The following NPSR1 variants were observed in gnomAD, a reference collection of about 807,000 sequenced individuals.
The protein encoded by NPSR1 is neuropeptide S receptor 1, also known as neuropeptide S receptor.
Under a neutral mutation model 46.9 loss-of-function variants are expected in NPSR1, and 48 were observed. The ratio of observed to expected loss-of-function variants is 1.02; its 90% CI spans 0.81 to 1.30. NPSR1 has a LOEUF of 1.30. Among genes scored for constraint, NPSR1 ranks in the 50% most tolerant of loss-of-function variants. The pLI is 0.00. For synonymous variants in NPSR1, 176 were observed against 168.1 expected (o/e 1.05, Z -0.36); for missense variants, 450 against 449.5 (o/e 1.00, Z -0.01).
Position 34,677,482 on chromosome 7 carries a change from C to G in NPSR1, c.148-7070C>G, listed in dbSNP as rs1379563891. 2.0e-5 allele frequency among the ~76,000 whole-genome samples: 3 copies of G among 152,308 alleles called. No individual in the cohort carries two copies. The East Asian group carries it at 5.8e-4, about 29-fold the overall frequency. On this transcript the variant is annotated intron_variant, in intron 1 of 8. Transcript: ENST00000360581. ...CTGAGTTCACTGATTTTATTCTCTT[C>G]CTCTTTCCAATTCTCATCCAAAAGG...
chr7:34,796,464 G>C (rs1235716471), intron 3 of NPSR1, among the ~76,000 whole-genome samples: 1 of 151,998 alleles, frequency 6.6e-6, no homozygotes, highest in Non-Finnish European at 1.5e-5. Context: ...ATATGCAGAA[G>C]AGCTCTTAAA....
chr7:34,773,174 C>A (rs559535586), intron 2 of NPSR1, among the ~76,000 whole-genome samples: 1 of 152,270 alleles, frequency 6.6e-6, no homozygotes, highest in African/African-American at 2.4e-5. Flanking sequence ...AGGGACCCAA[C>A]ACCATGAAGT....
At chr7:34,751,050 A>G (rs1340549050) in intron 2 of NPSR1, 1 of 776,666 alleles carries the variant, frequency 1.3e-6, no homozygotes, top group Non-Finnish European at 2.4e-6. Context: ...GATGAGCAGC[A>G]TGGCCATCTC....
chr7:34,825,086 C>G (rs1789756677), intron 4 of NPSR1, among the ~76,000 whole-genome samples: 1 of 151,964 alleles, frequency 6.6e-6, no homozygotes, highest in Non-Finnish European at 1.5e-5. Context: ...CAAGAGGATG[C>G]TCCTCAACCT....
At chr7:34,846,765 T>C (rs1460789983) in intron 7 of NPSR1, among the ~76,000 whole-genome samples, 1 of 152,202 alleles carries the variant, frequency 6.6e-6, no homozygotes, top group African/African-American at 2.4e-5. Flanking sequence ...CTTTCCTCCA[T>C]TTACAACAGA....
At chr7:34,808,415 G>A (rs17170001) in intron 3 of NPSR1, among the ~76,000 whole-genome samples, 22,933 of 151,798 alleles carry the variant, frequency 0.15, 2,067 homozygotes, top group African/African-American at 0.25. Context: ...CTCTATCAAG[G>A]TTAAAAAACA....
At chr7:34,680,387 C>A (rs551505846) in intron 1 of NPSR1, among the ~76,000 whole-genome samples, 21 of 152,138 alleles carry the variant, frequency 1.4e-4, no homozygotes, top group African/African-American at 4.8e-4. Context: ...TGAAATATGT[C>A]ATTTAAAATA....
At chr7:34,731,245 AAGAT>A (rs1784403940) in intron 2 of NPSR1, among the ~76,000 whole-genome samples, 1 of 152,200 alleles carries the variant, frequency 6.6e-6, no homozygotes, top group African/African-American at 2.4e-5. Context: ...CAATAAGTAG[AAGAT>A]AAATACTTAA....
At chr7:34,698,723 C>T (rs1793664996) in intron 2 of NPSR1, among the ~76,000 whole-genome samples, 2 of 152,042 alleles carry the variant, frequency 1.3e-5, no homozygotes, top group Non-Finnish European at 2.9e-5. Flanking sequence ...AGAAGTGAGG[C>T]CAAGAAGTTG....
chr7:34,790,661 TA>T (rs1222187612), intron 3 of NPSR1, among the ~76,000 whole-genome samples: 1 of 141,096 alleles, frequency 7.1e-6, no homozygotes, highest in African/African-American at 2.5e-5. Flanking sequence ...TATTATGTTA[TA>T]AATATATGTT....
chr7:34,742,018 C>T (rs1784963414), intron 2 of NPSR1, among the ~76,000 whole-genome samples: 1 of 152,132 alleles, frequency 6.6e-6, no homozygotes, highest in Non-Finnish European at 1.5e-5. Context: ...ATCAATTGCA[C>T]CTTTTTTTAA....
chr7:34,767,191 A>C (rs1405895836), intron 2 of NPSR1, among the ~76,000 whole-genome samples: 2 of 152,218 alleles, frequency 1.3e-5, no homozygotes, highest in Non-Finnish European at 2.9e-5. Context: ...GTATTATACC[A>C]ATGTCAATTT....
intron 5 of NPSR1, chr7:34,834,041 T>C (rs1455746213): frequency 6.6e-6 from 2 of 300,912 alleles, no homozygotes; most frequent in Admixed American, 4.8e-5. Context: ...AAGTCAGGAC[T>C]GTACAACAGA....
chr7:34,815,569 C>T (rs984374222), intron 4 of NPSR1, among the ~76,000 whole-genome samples: 1 of 152,080 alleles, frequency 6.6e-6, no homozygotes, highest in Admixed American at 6.6e-5. Flanking sequence ...ATACAGAGAA[C>T]ACCACAAAGA....
intron 3 of NPSR1, among the ~76,000 whole-genome samples, chr7:34,780,485 A>C (rs1046061223): frequency 1.6e-4 from 25 of 152,320 alleles, no homozygotes; most frequent in African/African-American, 6.0e-4. Context: ...TCTTCTATAA[A>C]GGAAGCAAGA....
chr7:34,797,425 G>A (rs1055496979), intron 3 of NPSR1, among the ~76,000 whole-genome samples: 1 of 152,074 alleles, frequency 6.6e-6, no homozygotes, highest in Non-Finnish European at 1.5e-5. Context: ...TGTGTATGGG[G>A]GACAGGGGGT....
chr7:34,679,551 A>G (rs1792506850), intron 1 of NPSR1, among the ~76,000 whole-genome samples: 1 of 152,170 alleles, frequency 6.6e-6, no homozygotes, highest in Non-Finnish European at 1.5e-5. Flanking sequence ...GAAACTACAT[A>G]TAATAAAACC....
chr7:34,855,640 T>C (rs138352985), intron 8 of NPSR1, among the ~76,000 whole-genome samples: 97 of 152,076 alleles, frequency 6.4e-4, no homozygotes, highest in Non-Finnish European at 1.1e-3. Context: ...TTCAGTAAAA[T>C]AGAAAAAGTG....
intron 8 of NPSR1, among the ~76,000 whole-genome samples, chr7:34,867,742 T>G (rs1411858924): frequency 1.3e-5 from 2 of 151,802 alleles, no homozygotes; most frequent in East Asian, 3.8e-4. Flanking sequence ...CTTAAGAAAT[T>G]ATAAAGCAAG....
Sources: allele counts gnomAD v4.1 joint callset (sites outside exome capture counted in the v4.1 genomes callset), GRCh38; gene constraint gnomAD v4.1.1; transcripts MANE v1.5; gene names NCBI Gene and HGNC (gene_info 2026-07-23, HGNC 2026-07-21).